Variants in VCL observed in about 807,000 individuals in gnomAD.
VCL encodes vinculin.
VCL carries 47 observed loss-of-function variants against 125.7 expected under a neutral mutation model. The ratio of observed to expected loss-of-function variants is 0.37; its 90% CI spans 0.30 to 0.48. The LOEUF is 0.48. Among genes scored for constraint, VCL ranks in the 20% least tolerant of loss-of-function variants. VCL has a pLI of 0.99. For synonymous variants in VCL, 458 were observed against 514.6 expected, an observed-to-expected ratio of 0.89 and a Z score of 1.49; for missense variants, 1,069 against 1,455.5, an observed-to-expected ratio of 0.73 and a Z score of 4.32.
chr10:74,084,920 T>C (rs888027682), intron 8 of VCL, among the ~76,000 whole-genome samples: 3 of 152,194 alleles, frequency 2.0e-5, no homozygotes, highest in Non-Finnish European at 2.9e-5. Flanking sequence ...CCAAATTTTT[T>C]ATTTTTAATG....
Position 74,067,378 on chromosome 10 carries a change from TA to T in VCL, c.240-3279del, listed in dbSNP as rs571897797. Among the ~76,000 whole-genome samples the T allele has an allele frequency of 6.3e-3, 916 of 144,658 alleles. 4 individuals are homozygous for T. Among genetic ancestry groups the T allele is most frequent in the African/African-American group, 0.016 (631 of 40,120 alleles). 94.9% of individuals were successfully genotyped at this position (144,658 alleles called of 152,430 possible). On this transcript the variant is annotated intron_variant, in intron 2 of 21. Transcript: ENST00000211998. ...CACACCTGCTAGGGTGGCTTTTATT[TA>T]AAAAAAAAAAAAGATAAGCATTGGT...
intron 1 of VCL, among the ~76,000 whole-genome samples, chr10:74,004,918 T>G (rs1047696272): frequency 1.3e-5 from 2 of 152,076 alleles, no homozygotes; most frequent in Non-Finnish European, 2.9e-5. Context: ...TTGGCCAGGG[T>G]GGTCTTGATT....
intron 12 of VCL, among the ~76,000 whole-genome samples, chr10:74,096,661 A>G (rs1193090680): frequency 2.0e-5 from 3 of 152,232 alleles, no homozygotes; most frequent in Non-Finnish European, 2.9e-5. Flanking sequence ...ATTTAGACCC[A>G]TGTTGAGAAA....
chr10:74,019,354 T>G (rs1591654257), intron 1 of VCL, among the ~76,000 whole-genome samples: 1 of 152,220 alleles, frequency 6.6e-6, no homozygotes, highest in East Asian at 1.9e-4. Flanking sequence ...ATCATCTAGG[T>G]TTTAAGCCCC....
chr10:74,083,859 T>TTTTGTTTGTTTGTTTG (rs201437076), intron 8 of VCL, among the ~76,000 whole-genome samples: 1 of 150,524 alleles, frequency 6.6e-6, no homozygotes, highest in Non-Finnish European at 1.5e-5. Context: ...ACCTGGCTAA[T>TTTTGTTTGTTTGTTTG]TTTGTTTGTT....
Position 74,071,020 on chromosome 10 carries a change from A to G in VCL, c.436A>G (p.Thr146Ala). 1 of 1,614,204 alleles carries G rather than the reference A, an allele frequency of 6.2e-7. No homozygotes were observed. The highest frequency in any genetic ancestry group is 8.5e-7 in the Non-Finnish European group (1 of 1,180,020). The change falls in exon 4 of 22, where the codon ACA (threonine) becomes GCA (alanine). Residue 146 changes from threonine to alanine, a missense_variant. Thr to Ala is a moderately conservative substitution (Grantham distance 58, BLOSUM62 0). Around this residue, in one of 6 missense-constraint regions of VCL, gnomAD observed 760 missense variants for 928.9 expected, o/e 0.82. Coordinates refer to ENST00000211998, the MANE Select transcript of VCL (RefSeq NM_014000.3). This position sits in a 1 kb window ranked among gnomAD's most constrained non-coding sequence, Gnocchi z 4.1. Reference protein sequence around the residue: ...RVCKGILEYLTVAEVVETMED... With the variant: ...RVCKGILEYLAVAEVVETMED... ...TTGCAAAGGAATTTTGGAATATCTT[A>G]CAGTGGCAGAGGTGGTGGAGACTAT...
rs142910866 is a variant in VCL, at chr10:74,050,678, C to T, written c.239+7525C>T. On this transcript the variant is annotated intron_variant, in intron 2 of 21. Transcript: ENST00000211998. ...TTTTTTTAACAATTAATTACTTAAT[C>T]ATATCACTTAATACCTTTTGTTTGC... is the stretch of plus-strand genomic sequence containing the variant. Among the ~76,000 whole-genome samples the T allele has an allele frequency of 5.8e-3, 876 of 152,142 alleles. 6 individuals carry two copies. Among genetic ancestry groups the T allele is most frequent in the African/African-American group, 0.02 (827 of 41,508 alleles).
intron 1 of VCL, among the ~76,000 whole-genome samples, chr10:74,028,688 C>A (rs1302639218): frequency 6.6e-6 from 1 of 151,670 alleles, no homozygotes; most frequent in African/African-American, 2.4e-5. Flanking sequence ...TGAGCTATGG[C>A]GCCTGGCAAG....
intron 2 of VCL, among the ~76,000 whole-genome samples, chr10:74,044,704 CAT>C (rs1295879052): frequency 6.6e-6 from 1 of 152,130 alleles, no homozygotes; most frequent in Non-Finnish European, 1.5e-5. Context: ...CACCAGCATC[CAT>C]ATAAAAAACA....
At chr10:74,075,211 A>G (rs1839562660) in intron 6 of VCL, 1 of 344,578 alleles carries the variant, frequency 2.9e-6, no homozygotes. Context: ...ATTCCCGTGG[A>G]TGGGAGCTCT....
At position 74,094,363 on chromosome 10, in the gene VCL, C is replaced by G. The variant is rs531596507; in HGVS notation, c.1445C>G (p.Ala482Gly). ...NLQTKTNRAV[A>G]NSRPAKAAVH... ...CAGACCAAAACCAACCGGGCTGTGG[C>G]CAACAGCAGACCGGCCAAAGCAGCT... is the stretch of plus-strand genomic sequence containing the variant. Residue 482 changes from alanine (A) to glycine (G), a missense_variant, in exon 11 of 22, where the codon GCC becomes GGC. Coordinates refer to ENST00000211998, the MANE Select transcript of VCL (RefSeq NM_014000.3). The G allele has an allele frequency of 6.2e-7, 1 of 1,614,150 alleles. No homozygotes were observed. The highest frequency in any genetic ancestry group is 8.5e-7 in the Non-Finnish European group (1 of 1,180,034).
intron 2 of VCL, among the ~76,000 whole-genome samples, chr10:74,051,384 G>A (rs572575066): frequency 1.3e-5 from 2 of 152,006 alleles, no homozygotes; most frequent in Admixed American, 6.5e-5. Context: ...CTACAGGCAC[G>A]CACCACCACG....
intron 6 of VCL, chr10:74,077,300 TA>T (rs1839603164): frequency 6.5e-6 from 1 of 152,702 alleles, no homozygotes; most frequent in Non-Finnish European, 1.5e-5. Flanking sequence ...GGTTTATTTT[TA>T]ACCTAATTTT....
In VCL at chr10:73,998,392, TGGCGCGGGAGCG is replaced by T. The variant is rs1029592759; in HGVS notation, c.168+28_168+39del. The T allele has an allele frequency of 2.0e-5, 29 of 1,471,020 alleles. No individual in the cohort carries two copies. Among genetic ancestry groups the T allele is most frequent in the South Asian group, 6.5e-5 (5 of 76,366 alleles). 91.1% of individuals were successfully genotyped at this position (1,471,020 alleles called of 1,614,324 possible). A position where few individuals can be genotyped will look rare whatever the true frequency, so the allele number is the denominator to read the frequency against. ...CTCGTCCGGGTGAGCGCGCAGGGCCTGGCGCGGGAGCGGGCGCGGGAGGTATCCCCGGGGCCC... is the reference window on the plus strand; with the variant it reads ...CTCGTCCGGGTGAGCGCGCAGGGCCTGGCGCGGGAGGTATCCCCGGGGCCC... On this transcript the variant is annotated intron_variant, in intron 1 of 21. Coordinates refer to ENST00000211998, the MANE Select transcript of VCL (RefSeq NM_014000.3).
At chr10:74,000,603 C>T (rs932870111) in intron 1 of VCL, among the ~76,000 whole-genome samples, 1 of 151,992 alleles carries the variant, frequency 6.6e-6, no homozygotes, top group Non-Finnish European at 1.5e-5. Flanking sequence ...TTAGTAGAGG[C>T]GGGGTTTCAC....
chr10:74,095,517 A>G (rs1388548674), intron 11 of VCL, 139 bp from the exon 12 acceptor site: 4 of 996,626 alleles, frequency 4.0e-6, no homozygotes, highest in Non-Finnish European at 6.0e-6. Context: ...TTGAGCCGGC[A>G]GGTCAAGGCT....
At chr10:74,033,076 C>A (rs544210560) in intron 1 of VCL, among the ~76,000 whole-genome samples, 1 of 152,176 alleles carries the variant, frequency 6.6e-6, no homozygotes, top group Non-Finnish European at 1.5e-5. Context: ...AAACCTTGTA[C>A]ACTAATGTTT....
Position 74,081,147 on chromosome 10 carries a change from ACTT to A in VCL, c.784-1303_784-1301del, listed in dbSNP as rs1839668152. On this transcript the variant is annotated intron_variant, in intron 6 of 21. Coordinates refer to ENST00000211998, the MANE Select transcript of VCL (RefSeq NM_014000.3). ...TTCAATTTTTTTGGTAATTTAGTTCACTTCTTTTTCATTGCTATAGCTGAGAAT... is the reference window on the plus strand; with the variant it reads ...TTCAATTTTTTTGGTAATTTAGTTCACTTTTTCATTGCTATAGCTGAGAAT... Among the ~76,000 whole-genome samples the A allele has an allele frequency of 9.4e-5, 14 of 149,598 alleles. 1 individual carries two copies. In the South Asian group the frequency reaches 2.9e-3, roughly 31 times the overall value.
At chr10:74,057,049 A>T (rs1213979080) in intron 2 of VCL, among the ~76,000 whole-genome samples, 1 of 151,958 alleles carries the variant, frequency 6.6e-6, no homozygotes, top group African/African-American at 2.4e-5. Flanking sequence ...GGATCAAACA[A>T]TTCTCCCCTC....
Sources: allele counts gnomAD v4.1 joint callset (sites outside exome capture counted in the v4.1 genomes callset), GRCh38; gene constraint gnomAD v4.1.1; regional missense constraint gnomAD v4.1.1; non-coding constraint Gnocchi (gnomAD v3.1); transcripts MANE v1.5; gene names NCBI Gene and HGNC (gene_info 2026-07-23, HGNC 2026-07-21).